Variants in DNAAF4 observed in about 807,000 individuals in gnomAD.
DNAAF4 encodes the protein dynein assembly factor 4, axonemal.
DNAAF4 carries 43 observed loss-of-function variants against 51.8 expected under a neutral mutation model. The observed-to-expected ratio is 0.83, with a 90% confidence interval of 0.65 to 1.07. DNAAF4 has a LOEUF of 1.07. DNAAF4 is among the 50% of genes least tolerant of loss of function. DNAAF4 has a pLI of 0.00. For synonymous variants in DNAAF4, 194 were observed against 165.6 expected (o/e 1.17, Z -1.32); for missense variants, 581 against 493.0 (o/e 1.18, Z -1.69).
chr15:55,435,922 G>A (rs1338217055), intron 7 of DNAAF4, among the ~76,000 whole-genome samples: 1 of 152,084 alleles, frequency 6.6e-6, no homozygotes, highest in Non-Finnish European at 1.5e-5. Flanking sequence ...CTGAGTAGCT[G>A]GGATTACAGG....
rs760541427 is a variant in DNAAF4, at chr15:55,473,311, G to GTATATATATATGTA, written c.406-6151_406-6150insTACATATATATATA. Among the ~76,000 whole-genome samples, 72 of 35,014 alleles carry GTATATATATATGTA rather than the reference G, an allele frequency of 2.1e-3. 1 individual carries two copies. The highest frequency in any genetic ancestry group is 6.9e-3 in the African/African-American group (67 of 9,780). The allele number at this position is 35,014 out of a possible 152,430, so 23.0% of individuals were successfully genotyped here. ...TATATATATGTGTATATATATGTGT[G>GTATATATATATGTA]TATATATGTGTGTATATATATGTGT... is the stretch of plus-strand genomic sequence containing the variant. On this transcript the variant is annotated intron_variant, in intron 4 of 9. Coordinates refer to ENST00000321149, the MANE Select transcript of DNAAF4 (RefSeq NM_130810.4).
At chr15:55,461,090 A>T (rs2058088357) in intron 5 of DNAAF4, among the ~76,000 whole-genome samples, 1 of 150,156 alleles carries the variant, frequency 6.7e-6, no homozygotes, top group African/African-American at 2.5e-5. Flanking sequence ...TTTTTTTGAG[A>T]CAGAGTCTTG....
chr15:55,429,690 G>A (rs937173159), downstream of DNAAF4, among the ~76,000 whole-genome samples: 11 of 151,118 alleles, frequency 7.3e-5, no homozygotes, highest in East Asian at 2.0e-3. Context: ...GGTGGCAGGC[G>A]CCTGTAGTCC....
At chr15:55,435,217 C>G (rs566618413) in intron 7 of DNAAF4, among the ~76,000 whole-genome samples, 159 bp from the exon 8 acceptor site, 2 of 152,072 alleles carry the variant, frequency 1.3e-5, no homozygotes, top group Non-Finnish European at 2.9e-5. Context: ...TTCACATATA[C>G]CAGCCTGTCA....
intron 4 of DNAAF4, among the ~76,000 whole-genome samples, chr15:55,476,274 C>T (rs2058333393): frequency 6.6e-6 from 1 of 151,982 alleles, no homozygotes; most frequent in African/African-American, 2.4e-5. Flanking sequence ...TCAAGACCAT[C>T]CTGAGTAACA....
At chr15:55,418,885 A>C (rs1190958275) in intron 7 of DNAAF4, 1 of 180,166 alleles carries the variant, frequency 5.6e-6, no homozygotes, top group African/African-American at 2.4e-5. Context: ...AGGAAAAAAA[A>C]ATTGATTTAA....
chr15:55,432,373 G>T, intron 9 of DNAAF4, 124 bp downstream of exon 9: 1 of 644,142 alleles, frequency 1.6e-6, no homozygotes, highest in South Asian at 2.6e-5. Flanking sequence ...ACATTACTAA[G>T]AATAAATTAA....
chr15:55,446,444 A>C (rs1208576867), intron 6 of DNAAF4, among the ~76,000 whole-genome samples: 2 of 133,552 alleles, frequency 1.5e-5, no homozygotes, highest in Non-Finnish European at 3.2e-5. Context: ...GGCGCTCCCC[A>C]CTTCCCAGAT....
chr15:55,479,482 CAT>C lies in DNAAF4; in HGVS notation c.405+11639_405+11640del, dbSNP rs565694800. On this transcript the variant is annotated intron_variant, in intron 4 of 9. Transcript: ENST00000321149. ...TTAACTGTACAAACTGATTGTAAAA[CAT>C]GTGTGTTTCAACAATATGAAATCAG... 2.2e-3 allele frequency among the ~76,000 whole-genome samples: 335 copies of C among 152,100 alleles called. 1 individual carries two copies. The Middle Eastern group carries it at 0.037, about 17-fold the overall frequency.
intron 5 of DNAAF4, among the ~76,000 whole-genome samples, chr15:55,451,051 C>A (rs760548533): frequency 2.1e-4 from 32 of 152,146 alleles, no homozygotes; most frequent in East Asian, 1.9e-4. Context: ...TAGCCGAGAT[C>A]GTGCCATACA....
At chr15:55,441,622 T>C (rs1365215504) in intron 6 of DNAAF4, among the ~76,000 whole-genome samples, 1 of 151,428 alleles carries the variant, frequency 6.6e-6, no homozygotes, top group Non-Finnish European at 1.5e-5. Context: ...GTCCAAGTGT[T>C]CTCATTGTTC....
chr15:55,497,020 G>C (rs1029068606), intron 3 of DNAAF4, among the ~76,000 whole-genome samples: 4 of 152,082 alleles, frequency 2.6e-5, no homozygotes, highest in Non-Finnish European at 4.4e-5. Flanking sequence ...GACAAATTTT[G>C]TTAAAAGCTA....
intron 7 of DNAAF4, among the ~76,000 whole-genome samples, chr15:55,438,864 A>T (rs972456701): frequency 2.0e-5 from 3 of 152,126 alleles, no homozygotes; most frequent in Admixed American, 6.6e-5. Flanking sequence ...TTTATGGGAG[A>T]CATCAGAAAG....
intron 4 of DNAAF4, among the ~76,000 whole-genome samples, chr15:55,479,249 T>C (rs1015606800): frequency 1.2e-4 from 18 of 151,648 alleles, no homozygotes; most frequent in African/African-American, 4.1e-4. Context: ...TTCCCAAGTG[T>C]TGCGGGAAGT....
In DNAAF4 at chr15:55,430,791, T is replaced by A. The variant is rs189808986; in HGVS notation, c.1154-12A>T. 6.3e-7 allele frequency: 1 copy of A among 1,580,038 alleles called. No homozygotes were observed. Among genetic ancestry groups the A allele is most frequent in the Admixed American group, 1.7e-5 (1 of 59,012 alleles). ...ATAATCCTGTAGGCCTGTGTTTATA[T>A]AGCAATGATGATTAATACAATAAAT... is the stretch of plus-strand genomic sequence containing the variant. On this transcript the variant is annotated splice_polypyrimidine_tract_variant and intron_variant, in intron 9 of 9. Transcript: ENST00000321149.
intron 1 of DNAAF4, among the ~76,000 whole-genome samples, chr15:55,503,566 C>T (rs2058710811): frequency 6.6e-6 from 1 of 152,150 alleles, no homozygotes; most frequent in Non-Finnish European, 1.5e-5. Flanking sequence ...CCTCAGAAAG[C>T]TTATCCACCA....
intron 4 of DNAAF4, among the ~76,000 whole-genome samples, chr15:55,472,129 C>T (rs960756965): frequency 9.9e-5 from 15 of 152,152 alleles, no homozygotes; most frequent in Non-Finnish European, 1.8e-4. Flanking sequence ...CGTGAGCCAC[C>T]GTGCCCAGCT....
intron 7 of DNAAF4, among the ~76,000 whole-genome samples, chr15:55,419,407 G>GT (rs1017730759): frequency 1.3e-5 from 2 of 151,718 alleles, no homozygotes; most frequent in Non-Finnish European, 2.9e-5. Context: ...TGGGGTGTGT[G>GT]TGTGTGTGTG....
At chr15:55,496,157 G>C (rs1249636729) in intron 3 of DNAAF4, among the ~76,000 whole-genome samples, 1 of 152,144 alleles carries the variant, frequency 6.6e-6, no homozygotes, top group Non-Finnish European at 1.5e-5. Context: ...TTAAACCTAG[G>C]GAGGCGGAGG....
Sources: allele counts gnomAD v4.1 joint callset (sites outside exome capture counted in the v4.1 genomes callset), GRCh38; gene constraint gnomAD v4.1.1; transcripts MANE v1.5; gene names NCBI Gene and HGNC (gene_info 2026-07-23, HGNC 2026-07-21).